The following GPC6 variants were observed in gnomAD, a reference collection of about 807,000 sequenced individuals.
GPC6 encodes the protein glypican-6.
Under a neutral mutation model 55.2 loss-of-function variants are expected in GPC6, and 14 were observed. That is an observed-to-expected ratio of 0.25 (90% confidence interval 0.17 to 0.40). GPC6 has a LOEUF of 0.40. GPC6 is among the 10% of genes least tolerant of loss of function. The pLI, the probability that GPC6 is intolerant of heterozygous loss-of-function variation, is 1.00. For synonymous variants in GPC6, 278 were observed against 259.6 expected, an observed-to-expected ratio of 1.07 and a Z score of -0.68; for missense variants, 641 against 708.5, an observed-to-expected ratio of 0.90 and a Z score of 1.08.
chr13:93,453,971 G>A (rs562571977), intron 1 of GPC6, among the ~76,000 whole-genome samples: 19 of 152,196 alleles, frequency 1.2e-4, no homozygotes, highest in Admixed American at 2.6e-4. Context: ...TTGGTAGAGC[G>A]GAGTGGTCTG....
chr13:93,705,218 C>T (rs1312242232), intron 2 of GPC6, among the ~76,000 whole-genome samples: 1 of 151,886 alleles, frequency 6.6e-6, no homozygotes, highest in African/African-American at 2.4e-5. Context: ...ATGTCATATA[C>T]AAATACAAAT....
At chr13:94,300,705 T>C (rs1174749161) in intron 5 of GPC6, among the ~76,000 whole-genome samples, 2 of 152,198 alleles carry the variant, frequency 1.3e-5, no homozygotes, top group Admixed American at 6.5e-5. Flanking sequence ...TATCTAATTA[T>C]CACTTTCAAC....
At chr13:93,511,681 G>A (rs887366419) in intron 1 of GPC6, among the ~76,000 whole-genome samples, 4 of 151,754 alleles carry the variant, frequency 2.6e-5, no homozygotes, top group African/African-American at 9.7e-5. Context: ...ATGAATTTTA[G>A]GATCGTTTTT....
chr13:93,505,413 T>G (rs1252871573), intron 1 of GPC6, among the ~76,000 whole-genome samples: 1 of 148,136 alleles, frequency 6.8e-6, no homozygotes, highest in African/African-American at 2.5e-5. Context: ...AAACTCTCAT[T>G]CTCTCTCTCA....
chr13:93,963,317 C>T (rs905046876), intron 3 of GPC6, among the ~76,000 whole-genome samples: 3 of 152,000 alleles, frequency 2.0e-5, no homozygotes, highest in African/African-American at 7.2e-5. Context: ...TGCAAATAAA[C>T]TCTTTTACTC....
chr13:94,081,843 C>CTTTTTTTTT (rs1885106674), intron 4 of GPC6, among the ~76,000 whole-genome samples: 1 of 116,812 alleles, frequency 8.6e-6, no homozygotes, highest in African/African-American at 3.2e-5. Context: ...CTACTACTTT[C>CTTTTTTTTT]CTTTTTTTTT....
intron 1 of GPC6, among the ~76,000 whole-genome samples, chr13:93,283,835 A>G (rs1437919000): frequency 6.6e-6 from 1 of 152,178 alleles, no homozygotes; most frequent in Non-Finnish European, 1.5e-5. Flanking sequence ...TCTTCACTTG[A>G]TTAATATTTA....
chr13:93,302,070 C>T (rs1396153603), intron 1 of GPC6, among the ~76,000 whole-genome samples: 1 of 152,098 alleles, frequency 6.6e-6, no homozygotes, highest in East Asian at 1.9e-4. Context: ...GTATATTTTT[C>T]TCTGTTTTAA....
At chr13:93,845,940 A>G (rs1305048810) in intron 3 of GPC6, among the ~76,000 whole-genome samples, 1 of 151,806 alleles carries the variant, frequency 6.6e-6, no homozygotes, top group Non-Finnish European at 1.5e-5. Context: ...ATATGCAACT[A>G]ACCTGCACAA....
intron 2 of GPC6, among the ~76,000 whole-genome samples, chr13:93,738,139 G>A (rs1032324207): frequency 2.6e-5 from 4 of 152,198 alleles, no homozygotes; most frequent in Admixed American, 2.6e-4. Flanking sequence ...GAAAATGCTA[G>A]TGCTTCATGT....
At chr13:93,755,625 AT>A (rs1186881102) in intron 2 of GPC6, among the ~76,000 whole-genome samples, 1 of 152,172 alleles carries the variant, frequency 6.6e-6, no homozygotes, top group Non-Finnish European at 1.5e-5. Context: ...AACGTTGGGC[AT>A]TTGAAGTGTA....
rs1031913592 is a variant in GPC6, at chr13:93,912,401, A to G, written c.711+81856A>G. Among the ~76,000 whole-genome samples, 15 of 152,182 alleles carry G rather than the reference A, an allele frequency of 9.9e-5. No homozygotes were observed. The South Asian group carries it at 1.9e-3, about 19-fold the overall frequency. ...TTCTTGTTCATGATAGGGTGTATTA[A>G]TTTCCTACAGCGGCTGTACCAAGTT... On this transcript the variant is annotated intron_variant, in intron 3 of 8. Transcript: ENST00000377047.
intron 1 of GPC6, among the ~76,000 whole-genome samples, chr13:93,276,221 C>T (rs140041808): frequency 6.6e-6 from 1 of 152,050 alleles, no homozygotes; most frequent in East Asian, 1.9e-4. Flanking sequence ...AAACCATTTA[C>T]CCTTAGTCAA....
chr13:93,604,655 A>G (rs1878165029), intron 2 of GPC6, among the ~76,000 whole-genome samples: 1 of 152,184 alleles, frequency 6.6e-6, no homozygotes, highest in Admixed American at 6.5e-5. Flanking sequence ...CATAGCAACA[A>G]TAGAAGTACG....
chr13:93,549,995 A>G (rs541477527), intron 2 of GPC6, among the ~76,000 whole-genome samples: 1 of 152,244 alleles, frequency 6.6e-6, no homozygotes, highest in South Asian at 2.1e-4. Flanking sequence ...AAAATTATTG[A>G]TATTTCTTTA....
At chr13:93,382,766 G>A (rs1165796155) in intron 1 of GPC6, among the ~76,000 whole-genome samples, 1 of 152,126 alleles carries the variant, frequency 6.6e-6, no homozygotes, top group African/African-American at 2.4e-5. Context: ...GTCTAGCATT[G>A]TTTCTCAAAG....
intron 1 of GPC6, among the ~76,000 whole-genome samples, chr13:93,446,842 TGTGA>T (rs1165872115): frequency 6.6e-6 from 1 of 152,240 alleles, no homozygotes; most frequent in African/African-American, 2.4e-5. Flanking sequence ...ATTTATTTTT[TGTGA>T]GTGTCATTAC....
intron 5 of GPC6, among the ~76,000 whole-genome samples, chr13:94,288,930 T>TAGATAGATAG (rs1566638339): frequency 5.5e-5 from 6 of 108,214 alleles, no homozygotes; most frequent in African/African-American, 2.4e-4. Context: ...ATATAACAAA[T>TAGATAGATAG]ATAGATAGAT....
At chr13:93,346,883 C>A (rs1271287349) in intron 1 of GPC6, among the ~76,000 whole-genome samples, 2 of 151,332 alleles carry the variant, frequency 1.3e-5, no homozygotes, top group East Asian at 1.9e-4. Context: ...ATAAAAATGT[C>A]ATGAACTAGG....
Sources: gnomAD v4.1 joint callset for allele counts (sites outside exome capture counted in the v4.1 genomes callset) on GRCh38, gnomAD v4.1.1 for gene constraint, MANE v1.5 for transcripts, NCBI Gene and HGNC (gene_info 2026-07-23, HGNC 2026-07-21) for gene names.